The following CSNK2A2IP variants were observed in gnomAD, a reference collection of about 807,000 sequenced individuals.
CSNK2A2IP encodes the protein casein kinase 2 subunit alpha' interacting protein.
At chr3:88,353,031 G>A in the CSNK2A2IP span, among the ~76,000 whole-genome samples, 2 of 152,018 alleles carry the variant, frequency 1.3e-5, no homozygotes, top group East Asian at 3.9e-4. Flanking sequence ...TACAATACTT[G>A]TTTTCTAAAA....
chr3:88,351,630 C>T, the CSNK2A2IP span, among the ~76,000 whole-genome samples: 2 of 152,042 alleles, frequency 1.3e-5, no homozygotes, highest in Non-Finnish European at 1.5e-5. Context: ...TTTCACTTAA[C>T]AATATGTAGT....
chr3:88,396,521 T>G, the CSNK2A2IP span, among the ~76,000 whole-genome samples: 1 of 152,124 alleles, frequency 6.6e-6, no homozygotes, highest in African/African-American at 2.4e-5. Context: ...AAGCATTGAC[T>G]AGGTTAGCGA....
chr3:88,393,506 T>G, the CSNK2A2IP span, among the ~76,000 whole-genome samples: 1 of 152,182 alleles, frequency 6.6e-6, no homozygotes, highest in Non-Finnish European at 1.5e-5. Flanking sequence ...TGGATCGATA[T>G]AGATAAATGG....
At chr3:88,374,737 T>C in the CSNK2A2IP span, among the ~76,000 whole-genome samples, 49 of 151,814 alleles carry the variant, frequency 3.2e-4, no homozygotes, top group African/African-American at 1.1e-3. Flanking sequence ...ATTCTTGAGG[T>C]TAGAATTCAT....
At chr3:88,352,667 C>T in the CSNK2A2IP span, among the ~76,000 whole-genome samples, 1 of 152,020 alleles carries the variant, frequency 6.6e-6, no homozygotes, top group Non-Finnish European at 1.5e-5. Flanking sequence ...CGGCCTCAAC[C>T]TCCCAGGCTC....
At chr3:88,456,385 C>T in the CSNK2A2IP span, among the ~76,000 whole-genome samples, 436 of 152,048 alleles carry the variant, frequency 2.9e-3, 2 homozygotes, top group African/African-American at 9.8e-3. Context: ...TTGTTTTATA[C>T]TTTTCAGTGA....
the CSNK2A2IP span, among the ~76,000 whole-genome samples, chr3:88,347,013 G>T: frequency 6.6e-6 from 1 of 152,068 alleles, no homozygotes; most frequent in East Asian, 1.9e-4. Flanking sequence ...GGAAAGAGTT[G>T]ATTCCAACCC....
At chr3:88,381,750 A>T in the CSNK2A2IP span, among the ~76,000 whole-genome samples, 3 of 152,210 alleles carry the variant, frequency 2.0e-5, no homozygotes, top group Non-Finnish European at 4.4e-5. Flanking sequence ...GTAAAGGAAG[A>T]CCAGGTGTGA....
At chr3:88,461,211 T>C in the CSNK2A2IP span, among the ~76,000 whole-genome samples, 1 of 152,200 alleles carries the variant, frequency 6.6e-6, no homozygotes, top group African/African-American at 2.4e-5. Context: ...CTGCTATTGA[T>C]TGACAGTTGA....
At chr3:88,458,602 T>G in the CSNK2A2IP span, among the ~76,000 whole-genome samples, 2 of 149,402 alleles carry the variant, frequency 1.3e-5, no homozygotes, top group Admixed American at 1.3e-4. Context: ...CTACTTAATT[T>G]TAGTTTAATG....
chr3:88,431,237 A>G, the CSNK2A2IP span: 1 of 152,232 alleles, frequency 6.6e-6, no homozygotes, highest in Non-Finnish European at 1.5e-5. Flanking sequence ...GTTCACAGTC[A>G]GTTACAGATT....
the CSNK2A2IP span, among the ~76,000 whole-genome samples, chr3:88,449,818 GAGACACAC>G: frequency 0.015 from 911 of 60,760 alleles, 4 homozygotes; most frequent in Non-Finnish European, 0.019. Flanking sequence ...TTTTTATATC[GAGACACAC>G]ACACACACAC....
the CSNK2A2IP span, among the ~76,000 whole-genome samples, chr3:88,356,276 C>G: frequency 6.6e-6 from 1 of 151,948 alleles, no homozygotes; most frequent in Non-Finnish European, 1.5e-5. Flanking sequence ...CTTTGGTAAC[C>G]ACCATCATTT....
chr3:88,418,953 T>G, the CSNK2A2IP span, among the ~76,000 whole-genome samples: 1 of 152,256 alleles, frequency 6.6e-6, no homozygotes, highest in South Asian at 2.1e-4. Flanking sequence ...CAGCAGTGGC[T>G]TTAGATTCTA....
At chr3:88,408,712 G>C in the CSNK2A2IP span, among the ~76,000 whole-genome samples, 2 of 151,966 alleles carry the variant, frequency 1.3e-5, no homozygotes, top group East Asian at 3.9e-4. Context: ...GGGGGCCACT[G>C]TGATCTGGGA....
chr3:88,364,096 G>A, the CSNK2A2IP span, among the ~76,000 whole-genome samples: 15 of 152,036 alleles, frequency 9.9e-5, no homozygotes, highest in African/African-American at 2.9e-4. Flanking sequence ...TTCAACTCAG[G>A]GATTTCACTG....
chr3:88,360,429 G>C, the CSNK2A2IP span, among the ~76,000 whole-genome samples: 1 of 152,222 alleles, frequency 6.6e-6, no homozygotes, highest in African/African-American at 2.4e-5. Context: ...CACTGCGCCC[G>C]GCCAAGAGTT....
chr3:88,347,117 A>G, the CSNK2A2IP span, among the ~76,000 whole-genome samples: 1 of 152,012 alleles, frequency 6.6e-6, no homozygotes, highest in Non-Finnish European at 1.5e-5. Flanking sequence ...TGAAGATATG[A>G]CTGAATTGCT....
the CSNK2A2IP span, among the ~76,000 whole-genome samples, chr3:88,420,410 ATGAGATTAATATCC>A: frequency 2.6e-5 from 4 of 152,158 alleles, no homozygotes; most frequent in East Asian, 7.7e-4. Flanking sequence ...GTCATGTGAA[ATGAGATTAATATCC>A]CATCTTTGCA....
Sources: allele counts gnomAD v4.1 joint callset (sites outside exome capture counted in the v4.1 genomes callset), GRCh38; gene constraint gnomAD v4.1.1; transcripts MANE v1.5; gene names NCBI Gene and HGNC (gene_info 2026-07-23, HGNC 2026-07-21).